GPC5: variants seen among roughly 807,000 people sequenced by gnomAD.
GPC5 encodes the protein glypican-5.
Under a neutral mutation model 53.9 loss-of-function variants are expected in GPC5, and 47 were observed. The ratio of observed to expected loss-of-function variants is 0.87; its 90% CI spans 0.69 to 1.11. The LOEUF (loss-of-function observed/expected upper bound fraction) is 1.11. Ranked by LOEUF, GPC5 falls within the 50% of genes most tolerant of loss-of-function variation. The pLI, the probability that GPC5 is intolerant of heterozygous loss-of-function variation, is 0.00. For missense variants in GPC5, 748 were observed against 713.1 expected, an observed-to-expected ratio of 1.05 and a Z score of -0.56; for synonymous variants, 286 against 263.3, an observed-to-expected ratio of 1.09 and a Z score of -0.84.
chr13:91,439,884 C>T (rs572114169), intron 1 of GPC5, among the ~76,000 whole-genome samples: 1 of 152,294 alleles, frequency 6.6e-6, no homozygotes, highest in East Asian at 1.9e-4. Flanking sequence ...CAAATAAAAT[C>T]AAGTTACTCC....
intron 2 of GPC5, among the ~76,000 whole-genome samples, chr13:91,544,192 A>T (rs749820857): frequency 7.4e-6 from 1 of 134,854 alleles, no homozygotes; most frequent in Non-Finnish European, 1.6e-5. Context: ...TGAAAAATCT[A>T]CTTATAAAAT....
At chr13:92,568,934 A>G (rs1485461528) in intron 7 of GPC5, among the ~76,000 whole-genome samples, 2 of 151,634 alleles carry the variant, frequency 1.3e-5, no homozygotes, top group South Asian at 2.1e-4. Flanking sequence ...TTTTAGTTTT[A>G]TTATTATTAT....
At chr13:91,463,305 C>CT (rs1489427662) in intron 2 of GPC5, among the ~76,000 whole-genome samples, 1 of 151,948 alleles carries the variant, frequency 6.6e-6, no homozygotes, top group Non-Finnish European at 1.5e-5. Flanking sequence ...TTGTGGAATT[C>CT]TTTTTTTCTG....
chr13:91,852,238 A>G (rs2038922509), intron 5 of GPC5, among the ~76,000 whole-genome samples: 1 of 151,228 alleles, frequency 6.6e-6, no homozygotes, highest in Admixed American at 6.6e-5. Flanking sequence ...ATTATTTTTT[A>G]ATTATATTTT....
intron 5 of GPC5, among the ~76,000 whole-genome samples, chr13:91,877,909 G>A (rs1202662362): frequency 6.6e-6 from 1 of 152,100 alleles, no homozygotes; most frequent in Non-Finnish European, 1.5e-5. Context: ...GGTCTTTCCT[G>A]TGCTTTTCTC....
intron 6 of GPC5, among the ~76,000 whole-genome samples, chr13:91,929,345 A>C (rs74106587): frequency 0.017 from 2,564 of 152,162 alleles, 64 homozygotes; most frequent in African/African-American, 0.059. Flanking sequence ...TGTATCCTTT[A>C]GAATTTTGGC....
chr13:92,722,903 C>G (rs1460230123), intron 7 of GPC5, among the ~76,000 whole-genome samples: 1 of 151,748 alleles, frequency 6.6e-6, no homozygotes, highest in Non-Finnish European at 1.5e-5. Flanking sequence ...GTGAAAGTTA[C>G]CACTCAATGA....
At chr13:92,051,776 A>T (rs369629956) in intron 6 of GPC5, among the ~76,000 whole-genome samples, 1 of 152,332 alleles carries the variant, frequency 6.6e-6, no homozygotes, top group East Asian at 1.9e-4. Flanking sequence ...ATAAAAATTA[A>T]CAAGAGTGAG....
chr13:91,532,796 C>T (rs1227478743), intron 2 of GPC5, among the ~76,000 whole-genome samples: 4 of 152,074 alleles, frequency 2.6e-5, no homozygotes, highest in Non-Finnish European at 5.9e-5. Flanking sequence ...AGCTTGGGGG[C>T]GGAGGTTGCA....
intron 6 of GPC5, among the ~76,000 whole-genome samples, chr13:91,927,819 G>C (rs968262052): frequency 1.3e-5 from 2 of 152,166 alleles, no homozygotes; most frequent in Admixed American, 1.3e-4. Flanking sequence ...CCCAAGCCAT[G>C]AATTTTATCA....
At chr13:91,399,759 C>T (rs1275649387) in intron 1 of GPC5, among the ~76,000 whole-genome samples, 1 of 152,118 alleles carries the variant, frequency 6.6e-6, no homozygotes, top group East Asian at 1.9e-4. Context: ...CCTTAGCTGC[C>T]CTTCTGTGCC....
chr13:91,430,727 A>G (rs951721706), intron 1 of GPC5, among the ~76,000 whole-genome samples: 7 of 152,172 alleles, frequency 4.6e-5, no homozygotes, highest in Non-Finnish European at 1.0e-4. Context: ...AGACTGATGA[A>G]ATCCCTCATG....
chr13:91,568,467 A>G (rs1270371524), intron 2 of GPC5, among the ~76,000 whole-genome samples: 1 of 151,910 alleles, frequency 6.6e-6, no homozygotes, highest in Non-Finnish European at 1.5e-5. Context: ...CTAGGATATG[A>G]TCCTTAGTGT....
rs576840401 is a variant in GPC5 at position 92,560,289 on chromosome 13, C to A, written c.1562-305993C>A. On this transcript the variant is annotated intron_variant, in intron 7 of 7. Coordinates refer to ENST00000377067, the MANE Select transcript of GPC5 (RefSeq NM_004466.6). ...ACTGTGATATGAGAATATTGGATTT[C>A]TACTGGTGACAACGTCACAGAACCT... Among the ~76,000 whole-genome samples the A allele has an allele frequency of 4.3e-4, 65 of 152,072 alleles. 1 individual carries two copies. In the South Asian group the frequency reaches 0.013, roughly 30 times the overall value.
intron 7 of GPC5, among the ~76,000 whole-genome samples, chr13:92,391,273 A>G (rs1874989807): frequency 6.6e-6 from 1 of 152,168 alleles, no homozygotes; most frequent in Non-Finnish European, 1.5e-5. Context: ...TTTCTCAGGT[A>G]CAAAGGATAT....
rs1566483338 is a variant in GPC5 at position 92,203,656 on chromosome 13, A to AT, written c.1561+58667_1561+58668insT. On this transcript the variant is annotated intron_variant, in intron 7 of 7. Transcript: ENST00000377067. ...GTATAATAAAAAAATATATATATATAAAAAAATAAATAAATAAAACCAAAA... is the reference window on the plus strand; with the variant it reads ...GTATAATAAAAAAATATATATATATATAAAAAATAAATAAATAAAACCAAAA... Among the ~76,000 whole-genome samples the AT allele has an allele frequency of 3.1e-4, 32 of 104,870 alleles. 1 individual carries two copies. The highest frequency in any genetic ancestry group is 2.1e-4 in the Non-Finnish European group (9 of 42,234). The allele number at this position is 104,870 out of a possible 152,430, so 68.8% of individuals were successfully genotyped here.
chr13:92,624,311 C>A (rs1884978405), intron 7 of GPC5, among the ~76,000 whole-genome samples: 1 of 152,124 alleles, frequency 6.6e-6, no homozygotes, highest in South Asian at 2.1e-4. Flanking sequence ...CTCAGATGAT[C>A]CAGCTGCCTC....
At chr13:92,648,994 G>C (rs1885862270) in intron 7 of GPC5, among the ~76,000 whole-genome samples, 2 of 152,194 alleles carry the variant, frequency 1.3e-5, no homozygotes, top group African/African-American at 4.8e-5. Context: ...GTATGCAACA[G>C]GTTTCCTTCT....
chr13:92,742,945 C>T (rs948194750), intron 7 of GPC5, among the ~76,000 whole-genome samples: 1 of 152,080 alleles, frequency 6.6e-6, no homozygotes, highest in East Asian at 1.9e-4. Context: ...ATCTATATCT[C>T]TGTTTTGGTA....
Sources: allele counts gnomAD v4.1 joint callset (sites outside exome capture counted in the v4.1 genomes callset), GRCh38; gene constraint gnomAD v4.1.1; transcripts MANE v1.5; gene names NCBI Gene and HGNC (gene_info 2026-07-23, HGNC 2026-07-21).